The following GALNTL6 variants were observed in gnomAD, a reference collection of about 807,000 sequenced individuals.
GALNTL6 encodes polypeptide N-acetylgalactosaminyltransferase-like 6.
A neutral mutation model predicts 73.7 loss-of-function variants in GALNTL6; 46 were observed. The ratio of observed to expected loss-of-function variants is 0.62; its 90% confidence interval spans 0.49 to 0.80. The LOEUF is 0.80. GALNTL6 is among the 30% of genes least tolerant of loss of function. The probability of loss-of-function intolerance (pLI) is 0.00; values close to 1 mark genes in which losing one functional copy is unlikely to be tolerated. For missense variants in GALNTL6, 604 were observed against 755.0 expected (o/e 0.80, Z 2.34); for synonymous variants, 259 against 263.7 (o/e 0.98, Z 0.17).
intron 5 of GALNTL6, chr4:172,668,601 C>T (rs1056962036): frequency 1.3e-5 from 2 of 152,112 alleles, no homozygotes; most frequent in Admixed American, 1.3e-4. Flanking sequence ...CATTTCTCTC[C>T]TGCTTGGCTT....
chr4:172,064,849 T>A (rs978665200), intron 2 of GALNTL6, among the ~76,000 whole-genome samples: 3 of 152,182 alleles, frequency 2.0e-5, no homozygotes, highest in Admixed American at 2.0e-4. Flanking sequence ...GTCTACTGAT[T>A]GTGGCCATGT....
At chr4:172,847,243 A>G (rs1287995529) in intron 7 of GALNTL6, among the ~76,000 whole-genome samples, 1 of 151,986 alleles carries the variant, frequency 6.6e-6, no homozygotes, top group Non-Finnish European at 1.5e-5. Context: ...AGAGAACTCT[A>G]TCACGCTTAT....
intron 5 of GALNTL6, among the ~76,000 whole-genome samples, chr4:172,460,761 A>G (rs1275705272): frequency 6.6e-6 from 1 of 152,198 alleles, no homozygotes; most frequent in Non-Finnish European, 1.5e-5. Flanking sequence ...GCTTTTACAC[A>G]GTTGGTAGGA....
chr4:172,517,969 A>G lies in GALNTL6; in HGVS notation c.553+169280A>G, dbSNP rs542331211. 2.6e-5 allele frequency among the ~76,000 whole-genome samples: 4 copies of G among 152,206 alleles called. No homozygotes were observed. In the South Asian group the frequency reaches 6.2e-4, roughly 24 times the overall value. The stretch of plus-strand genomic sequence containing the variant: ...GATTCTTTTAAAAAGATGCATAGTC[A>G]TAGGTTCAATAGGTGATTCCTAAAG... On this transcript the variant is annotated intron_variant, in intron 5 of 12. Coordinates refer to ENST00000506823, the MANE Select transcript of GALNTL6 (RefSeq NM_001034845.3).
intron 2 of GALNTL6, among the ~76,000 whole-genome samples, chr4:172,181,391 A>G (rs570454192): frequency 1.2e-4 from 19 of 152,336 alleles, no homozygotes; most frequent in African/African-American, 4.6e-4. Context: ...AGATGCAGAA[A>G]ATGCCTTCGA....
chr4:172,709,262 A>G (rs767956218), intron 5 of GALNTL6, among the ~76,000 whole-genome samples: 21 of 152,136 alleles, frequency 1.4e-4, no homozygotes, highest in Non-Finnish European at 2.9e-4. Flanking sequence ...ATCAAACAAG[A>G]TTGGAGGCAG....
intron 3 of GALNTL6, among the ~76,000 whole-genome samples, chr4:172,289,157 C>G (rs954548785): frequency 9.2e-5 from 14 of 151,992 alleles, no homozygotes; most frequent in South Asian, 8.3e-4. Context: ...TTTCTTCCAA[C>G]CACTAGTTAA....
intron 5 of GALNTL6, among the ~76,000 whole-genome samples, chr4:172,596,714 G>A (rs538228926): frequency 1.2e-4 from 18 of 152,050 alleles, no homozygotes; most frequent in Non-Finnish European, 2.6e-4. Flanking sequence ...AATTGCAATA[G>A]TTTAATCTAA....
rs1332657323 is a variant in GALNTL6 at position 171,814,674 on chromosome 4, A to C, written c.94A>C (p.Lys32Gln). The C allele has an allele frequency of 6.2e-7, 1 of 1,614,176 alleles. No individual in the cohort carries two copies. The highest frequency in any genetic ancestry group is 8.5e-7 in the Non-Finnish European group (1 of 1,180,052). ...TAACGTTGGTCTCTGGTCTCTGTACAAGGATAAGCACCTGGTGAAGTCAGC... is the reference window on the plus strand; with the variant it reads ...TAACGTTGGTCTCTGGTCTCTGTACCAGGATAAGCACCTGGTGAAGTCAGC... ...LPNVGLWSLY[K>Q]DKHLVKSAEP... The change falls in exon 2 of 13, where the codon AAG becomes CAG. Residue 32 changes from lysine to glutamine, a missense_variant. Coordinates refer to ENST00000506823, the MANE Select transcript of GALNTL6 (RefSeq NM_001034845.3).
Position 172,600,866 on chromosome 4 carries a change from G to A in GALNTL6, c.554-208495G>A, listed in dbSNP as rs936141299. 5.5e-4 allele frequency among the ~76,000 whole-genome samples: 84 copies of A among 151,554 alleles called. 1 individual carries two copies. Among genetic ancestry groups the A allele is most frequent in the Non-Finnish European group, 5.9e-5 (4 of 67,894 alleles). ...CAAAAGTTGCTACTCTATAATAGAAGATAACAAAAATCCAGACCTTGAAAA... is the reference window on the plus strand; with the variant it reads ...CAAAAGTTGCTACTCTATAATAGAAAATAACAAAAATCCAGACCTTGAAAA... On this transcript the variant is annotated intron_variant, in intron 5 of 12. Transcript: ENST00000506823.
intron 5 of GALNTL6, among the ~76,000 whole-genome samples, chr4:172,391,581 G>A (rs1446149643): frequency 6.6e-6 from 1 of 152,116 alleles, no homozygotes; most frequent in Non-Finnish European, 1.5e-5. Context: ...CCTCTTAAAG[G>A]CAGGCCCCTG....
chr4:171,853,808 C>T (rs1334818543), intron 2 of GALNTL6, among the ~76,000 whole-genome samples: 3 of 151,798 alleles, frequency 2.0e-5, no homozygotes, highest in Non-Finnish European at 4.4e-5. Context: ...GAAAGGGTTT[C>T]ACCATGTTGG....
intron 5 of GALNTL6, among the ~76,000 whole-genome samples, chr4:172,475,362 G>A (rs1378618451): frequency 1.3e-5 from 2 of 151,812 alleles, no homozygotes; most frequent in Non-Finnish European, 2.9e-5. Context: ...AGTATCTCAT[G>A]ATTCCCTCCA....
rs1169097172 is a variant in GALNTL6 at position 172,138,513 on chromosome 4, A to ATTT, written c.139-91111_139-91109dup. 5.1e-4 allele frequency among the ~76,000 whole-genome samples: 4 copies of ATTT among 7,790 alleles called. 1 individual carries two copies. Among genetic ancestry groups the ATTT allele is most frequent in the African/African-American group, 9.3e-4 (2 of 2,158 alleles). The allele number at this position is 7,790 out of a possible 152,430, so 5.1% of individuals were successfully genotyped here. A position where few individuals can be genotyped will look rare whatever the true frequency, so the allele number is the denominator to read the frequency against. ...TATATATATATATATATATATATAT[A>ATTT]TTTTTTTTTTTTTTTTTTTTTTTTT... On this transcript the variant is annotated intron_variant, in intron 2 of 12. Coordinates refer to ENST00000506823, the MANE Select transcript of GALNTL6 (RefSeq NM_001034845.3).
At chr4:172,459,530 A>C (rs1732533166) in intron 5 of GALNTL6, among the ~76,000 whole-genome samples, 1 of 152,244 alleles carries the variant, frequency 6.6e-6, no homozygotes, top group Non-Finnish European at 1.5e-5. Flanking sequence ...AGGATACAAA[A>C]TTAATGTGCA....
chr4:172,057,725 A>ATATATAT (rs1275437394), intron 2 of GALNTL6, among the ~76,000 whole-genome samples: 1 of 62,860 alleles, frequency 1.6e-5, no homozygotes, highest in African/African-American at 6.3e-5. Flanking sequence ...AAAAAAAAAA[A>ATATATAT]AAATATATAT....
chr4:173,005,527 T>TAA (rs57911713), intron 10 of GALNTL6, among the ~76,000 whole-genome samples: 2,013 of 141,638 alleles, frequency 0.014, 16 homozygotes, highest in Non-Finnish European at 0.018. Context: ...TGTCTACATT[T>TAA]AAAAAAAATA....
intron 7 of GALNTL6, among the ~76,000 whole-genome samples, chr4:172,819,521 CTAACT>C (rs1236227453): frequency 6.6e-6 from 1 of 152,198 alleles, no homozygotes; most frequent in African/African-American, 2.4e-5. Flanking sequence ...TCACCACTAG[CTAACT>C]TAACAGCTAC....
chr4:172,665,663 C>T (rs749470235), intron 5 of GALNTL6, among the ~76,000 whole-genome samples: 1 of 152,184 alleles, frequency 6.6e-6, no homozygotes, highest in Admixed American at 6.5e-5. Context: ...TATATGCATT[C>T]ATACTTATAG....
Sources: allele counts gnomAD v4.1 joint callset (sites outside exome capture counted in the v4.1 genomes callset), GRCh38; gene constraint gnomAD v4.1.1; transcripts MANE v1.5; gene names NCBI Gene and HGNC (gene_info 2026-07-23, HGNC 2026-07-21).